Variants in PTPRA observed in about 807,000 individuals in gnomAD.
PTPRA encodes the protein protein tyrosine phosphatase receptor type A.
Under a neutral mutation model 104.8 loss-of-function variants are expected in PTPRA, and 25 were observed. The observed-to-expected ratio is 0.24, with a 90% CI of 0.17 to 0.33. The LOEUF is 0.33. Ranked by LOEUF, PTPRA falls within the 10% of genes least tolerant of loss-of-function variation. PTPRA has a pLI of 1.00. For synonymous variants in PTPRA, 323 were observed against 368.9 expected, an observed-to-expected ratio of 0.88 and a Z score of 1.43; for missense variants, 765 against 1,015.3, an observed-to-expected ratio of 0.75 and a Z score of 3.35.
chr20:2,890,631 G>A (rs1445208325), intron 1 of PTPRA, among the ~76,000 whole-genome samples: 1 of 152,146 alleles, frequency 6.6e-6, no homozygotes, highest in Non-Finnish European at 1.5e-5. Flanking sequence ...TTTAACAGGG[G>A]AGAGTGTGTA....
chr20:3,026,294 T>C (rs540845655), intron 17 of PTPRA, among the ~76,000 whole-genome samples: 103 of 152,276 alleles, frequency 6.8e-4, no homozygotes, highest in African/African-American at 2.3e-3. Flanking sequence ...GGGCTACACT[T>C]TGAGTAGCAA....
At chr20:2,900,204 C>T (rs1485241354) in intron 1 of PTPRA, among the ~76,000 whole-genome samples, 1 of 151,818 alleles carries the variant, frequency 6.6e-6, no homozygotes, top group Non-Finnish European at 1.5e-5. Context: ...GTCACCCAGG[C>T]GGTAGCGCAG....
chr20:2,917,272 A>G (rs904578915), intron 1 of PTPRA, among the ~76,000 whole-genome samples: 1 of 152,122 alleles, frequency 6.6e-6, no homozygotes, highest in Non-Finnish European at 1.5e-5. Flanking sequence ...AAATAAATAA[A>G]TAAATAAAGA....
intron 13 of PTPRA, among the ~76,000 whole-genome samples, chr20:3,019,475 G>A (rs1204291220): frequency 5.9e-5 from 9 of 151,500 alleles, no homozygotes; most frequent in Admixed American, 1.3e-4. Context: ...CATCCCGGAC[G>A]GGGCGGCAGG....
chr20:3,023,203 A>C (rs1235806875), intron 16 of PTPRA, among the ~76,000 whole-genome samples: 1 of 152,224 alleles, frequency 6.6e-6, no homozygotes, highest in African/African-American at 2.4e-5. Flanking sequence ...GCCGTTCTCC[A>C]GTCTCAAGCA....
chr20:2,885,088 A>G (rs2079244389), intron 1 of PTPRA, among the ~76,000 whole-genome samples: 1 of 152,194 alleles, frequency 6.6e-6, no homozygotes, highest in African/African-American at 2.4e-5. Context: ...GGCACAAGCC[A>G]CTGCGCCCGG....
At chr20:2,873,002 C>G (rs2089467153), upstream of PTPRA, among the ~76,000 whole-genome samples, 1 of 152,130 alleles carries the variant, frequency 6.6e-6, no homozygotes, top group Non-Finnish European at 1.5e-5. This position sits in a 1 kb window ranked among gnomAD's most constrained non-coding sequence, Gnocchi z 4.4. Flanking sequence ...GTTCTAGGGA[C>G]TTGGCAGGTT....
At chr20:2,900,002 C>G (rs1358294214) in intron 1 of PTPRA, among the ~76,000 whole-genome samples, 23 of 152,142 alleles carry the variant, frequency 1.5e-4, no homozygotes, top group Non-Finnish European at 2.9e-5. Context: ...CTCAGCTACT[C>G]GGGAGGCTGA....
chr20:2,990,939 GAGAGGCA>G (rs1387969995), intron 9 of PTPRA, among the ~76,000 whole-genome samples: 11 of 152,250 alleles, frequency 7.2e-5, no homozygotes, highest in Admixed American at 5.9e-4. Context: ...AGATAAAAGG[GAGAGGCA>G]AGAGTTGAAG....
intron 9 of PTPRA, among the ~76,000 whole-genome samples, chr20:2,991,991 A>G (rs2063196303): frequency 1.3e-5 from 2 of 152,202 alleles, no homozygotes; most frequent in African/African-American, 2.4e-5. Flanking sequence ...CTTAAGTAGT[A>G]TACCCCATAG....
Position 2,975,306 on chromosome 20 carries a change from T to C in PTPRA, c.442+65T>C, listed in dbSNP as rs370333209. The C allele has an allele frequency of 2.9e-6, 4 of 1,397,894 alleles. No individual in the cohort carries two copies. In the Admixed American group the frequency reaches 6.4e-5, roughly 22 times the overall value. 86.6% of individuals were successfully genotyped at this position (1,397,894 alleles called of 1,614,324 possible). ...GTGTACAGTATTCATTTATTTCCTCTGCTCACAGTCTGTGGTAACCGTGTG... is the reference window on the plus strand; with the variant it reads ...GTGTACAGTATTCATTTATTTCCTCCGCTCACAGTCTGTGGTAACCGTGTG... On this transcript the variant is annotated intron_variant, in intron 6 of 23. Transcript: ENST00000399903.
chr20:2,924,911 C>T (rs535970051), intron 2 of PTPRA, among the ~76,000 whole-genome samples: 1 of 152,110 alleles, frequency 6.6e-6, no homozygotes, highest in Non-Finnish European at 1.5e-5. Context: ...GATTGCCCAA[C>T]CTCATGATCC....
At chr20:2,865,155 A>G in the PTPRA span, 1 of 1,614,094 alleles carries the variant, frequency 6.2e-7, no homozygotes, top group Non-Finnish European at 8.5e-7. This position sits in a 1 kb window ranked among gnomAD's most constrained non-coding sequence, Gnocchi z 5.2. Context: ...CAGGCTACAG[A>G]GGATCAAATG....
chr20:2,994,529 A>G (rs2063322973), intron 9 of PTPRA, among the ~76,000 whole-genome samples: 1 of 152,218 alleles, frequency 6.6e-6, no homozygotes, highest in Non-Finnish European at 1.5e-5. Flanking sequence ...CAGCCAGGAA[A>G]GCACTTCTGA....
At chr20:2,902,254 T>G (rs1348377813) in intron 1 of PTPRA, among the ~76,000 whole-genome samples, 1 of 152,232 alleles carries the variant, frequency 6.6e-6, no homozygotes, top group Non-Finnish European at 1.5e-5. Context: ...TGGTAAACAC[T>G]AAGCACCTCA....
At chr20:2,910,920 C>T (rs1216646156) in intron 1 of PTPRA, among the ~76,000 whole-genome samples, 1 of 131,186 alleles carries the variant, frequency 7.6e-6, no homozygotes, top group Non-Finnish European at 1.6e-5. Flanking sequence ...TTTATTTTAA[C>T]TTTTTTTTTT....
At chr20:2,924,163 A>G (rs1339239481) in intron 2 of PTPRA, among the ~76,000 whole-genome samples, 2 of 152,202 alleles carry the variant, frequency 1.3e-5, no homozygotes, top group African/African-American at 4.8e-5. Flanking sequence ...TTACACCTGT[A>G]ATCTAAGCAC....
chr20:2,897,973 C>T (rs1267930152), intron 1 of PTPRA, among the ~76,000 whole-genome samples: 1 of 139,802 alleles, frequency 7.2e-6, no homozygotes, highest in East Asian at 2.1e-4. Context: ...GGTGCAATGG[C>T]GTGCTCTTTG....
At chr20:2,883,987 T>C (rs1025278083) in intron 1 of PTPRA, among the ~76,000 whole-genome samples, 5 of 152,228 alleles carry the variant, frequency 3.3e-5, no homozygotes, top group Admixed American at 1.3e-4. Flanking sequence ...AATGAAATCA[T>C]ACAATATGTG....
Sources: gnomAD v4.1 joint callset for allele counts (sites outside exome capture counted in the v4.1 genomes callset) on GRCh38, gnomAD v4.1.1 for gene constraint, Gnocchi (gnomAD v3.1) non-coding constraint, MANE v1.5 for transcripts, NCBI Gene and HGNC (gene_info 2026-07-23, HGNC 2026-07-21) for gene names.